Variants in ADAM23 observed in about 807,000 individuals in gnomAD.
ADAM23 encodes the protein ADAM metallopeptidase domain 23, also known as disintegrin and metalloproteinase domain-containing protein 23.
In ADAM23, 33 loss-of-function variants were observed where a neutral mutation model predicts 120.1. That is an observed-to-expected ratio of 0.27 (90% CI 0.21 to 0.37). ADAM23 has a LOEUF of 0.37. Among genes scored for constraint, ADAM23 ranks in the 10% least tolerant of loss-of-function variants. The probability of loss-of-function intolerance (pLI) is 1.00; values close to 1 mark genes in which losing one functional copy is unlikely to be tolerated. For synonymous variants in ADAM23, 367 were observed against 375.2 expected (o/e 0.98, Z 0.25); for missense variants, 862 against 1,058.2 (o/e 0.81, Z 2.57).
At chr2:206,595,797 AATAAAT>A (rs1239762215) in intron 23 of ADAM23, among the ~76,000 whole-genome samples, 5 of 150,002 alleles carry the variant, frequency 3.3e-5, no homozygotes, top group Non-Finnish European at 7.5e-5. Context: ...TAAGAATAAT[AATAAAT>A]AATAAGATAA....
intron 3 of ADAM23, 126 bp from the exon 4 acceptor site, chr2:206,530,759 T>G (rs369278851): frequency 9.6e-6 from 5 of 521,560 alleles, no homozygotes; most frequent in East Asian, 3.6e-5. Flanking sequence ...TTTTTGTTTC[T>G]GTACTAACCA....
chr2:206,492,613 C>T (rs1696157847), intron 3 of ADAM23, among the ~76,000 whole-genome samples: 1 of 152,088 alleles, frequency 6.6e-6, no homozygotes, highest in African/African-American at 2.4e-5. Flanking sequence ...AAGATTGTGC[C>T]TTGTTGCTGT....
At chr2:206,494,867 C>G (rs1167794626) in intron 3 of ADAM23, among the ~76,000 whole-genome samples, 1 of 151,982 alleles carries the variant, frequency 6.6e-6, no homozygotes, top group African/African-American at 2.4e-5. Context: ...GCCTCAGTAA[C>G]CAATGCTATC....
intron 24 of ADAM23, among the ~76,000 whole-genome samples, chr2:206,600,689 A>G (rs1230695461): frequency 6.6e-6 from 1 of 152,142 alleles, no homozygotes; most frequent in African/African-American, 2.4e-5. Flanking sequence ...GTGAGGACTG[A>G]AAGCATACCT....
At chr2:206,466,164 G>A (rs1695538493) in intron 2 of ADAM23, among the ~76,000 whole-genome samples, 1 of 152,098 alleles carries the variant, frequency 6.6e-6, no homozygotes, top group African/African-American at 2.4e-5. Context: ...TGAACTTTCG[G>A]AAAATCAAAG....
intron 3 of ADAM23, among the ~76,000 whole-genome samples, chr2:206,507,271 T>TG (rs1284827151): frequency 4.6e-5 from 7 of 152,090 alleles, no homozygotes; most frequent in Non-Finnish European, 7.4e-5. Flanking sequence ...GTGGTGGAGG[T>TG]GGGGCCTGGT....
chr2:206,490,157 A>G (rs1240544697), intron 3 of ADAM23, among the ~76,000 whole-genome samples: 3 of 152,236 alleles, frequency 2.0e-5, no homozygotes, highest in Admixed American at 6.5e-5. Flanking sequence ...AGGAAAGACC[A>G]TGTGAAGACA....
intron 2 of ADAM23, among the ~76,000 whole-genome samples, chr2:206,448,837 A>G (rs1209429348): frequency 6.6e-6 from 1 of 152,150 alleles, no homozygotes; most frequent in Non-Finnish European, 1.5e-5. Flanking sequence ...CTTCATCTGT[A>G]TTCTTTGTAA....
At chr2:206,564,727 A>C (rs1022265634) in intron 13 of ADAM23, among the ~76,000 whole-genome samples, 1 of 152,354 alleles carries the variant, frequency 6.6e-6, no homozygotes, top group African/African-American at 2.4e-5. Flanking sequence ...ACTTTTCACT[A>C]AACATTAGAA....
intron 24 of ADAM23, among the ~76,000 whole-genome samples, chr2:206,602,069 C>T (rs1289180685): frequency 1.3e-5 from 2 of 152,090 alleles, no homozygotes; most frequent in Non-Finnish European, 2.9e-5. Context: ...CGTCAGTGCA[C>T]AAATCTTTGA....
In ADAM23 at chr2:206,443,554, C is replaced by A. The variant is rs1317118778; in HGVS notation, c.-313C>A. 1 of 130,682 alleles carries A rather than the reference C, an allele frequency of 7.7e-6. No homozygotes were observed. Among genetic ancestry groups the A allele is most frequent in the East Asian group, 2.0e-4 (1 of 4,932 alleles). The allele number at this position is 130,682 out of a possible 1,614,324, so 8.1% of individuals were successfully genotyped here. A position where few individuals can be genotyped will look rare whatever the true frequency, so the allele number is the denominator to read the frequency against. ...AGCATCCTCAGGCCCGGCGGCAGCC[C>A]CCGCAGTCGCTGAAGCGGCCGCGCC... On this transcript the variant is annotated 5_prime_UTR_variant, in exon 1 of 26. Transcript: ENST00000264377.
chr2:206,561,268 GC>G, intron 12 of ADAM23, 56 bp downstream of exon 12: 1 of 1,451,276 alleles, frequency 6.9e-7, no homozygotes, highest in Non-Finnish European at 9.7e-7. Flanking sequence ...TTTCCCTATG[GC>G]CCAGTTTACA....
At chr2:206,503,501 T>C (rs575221014) in intron 3 of ADAM23, among the ~76,000 whole-genome samples, 5 of 152,264 alleles carry the variant, frequency 3.3e-5, no homozygotes, top group African/African-American at 1.2e-4. Flanking sequence ...ATGTTTTAGA[T>C]TTATAGCTAA....
At chr2:206,461,155 C>T (rs111617928) in intron 2 of ADAM23, among the ~76,000 whole-genome samples, 113 of 150,114 alleles carry the variant, frequency 7.5e-4, no homozygotes, top group Middle Eastern at 3.5e-3. Flanking sequence ...ATCGCCTCCT[C>T]GGTTTAAGTG....
intron 21 of ADAM23, among the ~76,000 whole-genome samples, chr2:206,590,817 T>C (rs1332111934): frequency 6.6e-6 from 1 of 152,218 alleles, no homozygotes; most frequent in Non-Finnish European, 1.5e-5. Context: ...GAGCCTGAAG[T>C]AGTCAAAATC....
chr2:206,563,553 C>T (rs1051375964), intron 13 of ADAM23, among the ~76,000 whole-genome samples: 1 of 152,014 alleles, frequency 6.6e-6, no homozygotes, highest in Admixed American at 6.6e-5. Context: ...GGCATAAACA[C>T]CTTAAAACCA....
intron 18 of ADAM23, 69 bp from the exon 19 acceptor site, chr2:206,587,256 A>G (rs1290458056): frequency 1.0e-5 from 12 of 1,156,746 alleles, no homozygotes; most frequent in Non-Finnish European, 1.5e-5. Context: ...CTTGCATTAT[A>G]TATAGTATGT....
At chr2:206,479,301 T>C (rs747098742) in intron 2 of ADAM23, among the ~76,000 whole-genome samples, 72 of 152,326 alleles carry the variant, frequency 4.7e-4, no homozygotes, top group Non-Finnish European at 8.1e-4. Context: ...ACATCACTTA[T>C]TTGCTATAAA....
In ADAM23 at chr2:206,548,275, C is replaced by G; in HGVS notation, c.794-6C>G. 1 of 1,611,812 alleles carries G rather than the reference C, an allele frequency of 6.2e-7. No homozygotes were observed. Among genetic ancestry groups the G allele is most frequent in the East Asian group, 2.2e-5 (1 of 44,862 alleles). ...AAATTTTGATACTAATTTTTCCTTT[C>G]TGCAGCTATGGAAAGAGGTGACCAG... On this transcript the variant is annotated splice_region_variant and splice_polypyrimidine_tract_variant and intron_variant, in intron 7 of 25. Transcript: ENST00000264377.
Sources: gnomAD v4.1 joint callset for allele counts (sites outside exome capture counted in the v4.1 genomes callset) on GRCh38, gnomAD v4.1.1 for gene constraint, MANE v1.5 for transcripts, NCBI Gene and HGNC (gene_info 2026-07-23, HGNC 2026-07-21) for gene names.